Variants in RPS7 observed in about 807,000 individuals in gnomAD.
RPS7 encodes small ribosomal subunit protein eS7.
Under a neutral mutation model 22.1 loss-of-function variants are expected in RPS7, and 1 was observed. The ratio of observed to expected loss-of-function variants is 0.05; its 90% CI spans 0.02 to 0.21. RPS7 has a LOEUF of 0.21. Among genes scored for constraint, RPS7 ranks in the 10% least tolerant of loss-of-function variants. The pLI, the probability that RPS7 is intolerant of heterozygous loss-of-function variation, is 1.00. For synonymous variants in RPS7, 80 were observed against 92.0 expected, an observed-to-expected ratio of 0.87 and a Z score of 0.74; for missense variants, 137 against 246.4, an observed-to-expected ratio of 0.56 and a Z score of 2.97.
At chr2:3,575,765 G>T (rs947711975) in intron 2 of RPS7, 52 bp from the exon 3 acceptor site, 1 of 1,596,492 alleles carries the variant, frequency 6.3e-7, no homozygotes, top group Non-Finnish European at 8.6e-7. Flanking sequence ...TGTTGGGCCC[G>T]GGGTGCTCGG....
intron 3 of RPS7, 54 bp from the exon 4 acceptor site, chr2:3,576,433 C>T: frequency 2.0e-6 from 3 of 1,530,308 alleles, no homozygotes; most frequent in Non-Finnish European, 1.8e-6. Flanking sequence ...AATTTGACCA[C>T]AACGTTTACT....
chr2:3,579,842 T>C (rs1197835722), intron 5 of RPS7: 1 of 553,598 alleles, frequency 1.8e-6, no homozygotes, highest in South Asian at 2.1e-5. Context: ...TGGTCACTCA[T>C]TGCCTTGGTG....
chr2:3,579,924 C>T, intron 5 of RPS7, 186 bp from the exon 6 acceptor site: 2 of 645,382 alleles, frequency 3.1e-6, no homozygotes, highest in Non-Finnish European at 5.5e-6. Context: ...AGCTATTACC[C>T]TATTCTAGGT....
rs965348705 is a variant in RPS7, at chr2:3,580,526, T to C, written c.507+266T>C. ...AGTTAGGCTGTATATTCTTGGTGAG[T>C]TAGGGGTGGGTGGTGATGGGATCAG... On this transcript the variant is annotated intron_variant, in intron 6 of 6. Transcript: ENST00000645674. 9 of 628,624 alleles carry C rather than the reference T, an allele frequency of 1.4e-5. No individual in the cohort carries two copies. The Admixed American group carries it at 2.1e-4, about 14-fold the overall frequency. 38.9% of individuals were successfully genotyped at this position (628,624 alleles called of 1,614,324 possible). A position where few individuals can be genotyped will look rare whatever the true frequency, so the allele number is the denominator to read the frequency against.
intron 3 of RPS7, chr2:3,576,155 C>T: frequency 1.7e-6 from 1 of 596,318 alleles, no homozygotes; most frequent in Non-Finnish European, 3.0e-6. Context: ...ACCTTATTTG[C>T]CCTTACTTAG....
chr2:3,576,289 C>G, intron 3 of RPS7, 198 bp from the exon 4 acceptor site: 1 of 660,714 alleles, frequency 1.5e-6, no homozygotes, highest in Non-Finnish European at 2.7e-6. Context: ...AACAGTCTCC[C>G]TTCCTGGAAT....
intron 1 of RPS7, 102 bp downstream of exon 1, chr2:3,575,452 G>A (rs757538548): frequency 6.1e-6 from 4 of 653,222 alleles, no homozygotes; most frequent in Admixed American, 2.6e-5. Context: ...TCACAGGGTG[G>A]GGATACAGCC....
Position 3,577,691 on chromosome 2 carries a change from G to T in RPS7, c.292-19G>T, listed in dbSNP as rs1479782587. On this transcript the variant is annotated intron_variant, in intron 4 of 6. Coordinates refer to ENST00000645674, the MANE Select transcript of RPS7 (RefSeq NM_001011.4). Reference sequence around the variant, plus strand: ...AAAGTCTTTTTTCATTTTGTTACATGATAATTTTTACCTTACAGAGGAGAA... The same window carrying T: ...AAAGTCTTTTTTCATTTTGTTACATTATAATTTTTACCTTACAGAGGAGAA... 6.3e-7 allele frequency: 1 copy of T among 1,589,130 alleles called. No individual in the cohort carries two copies. Among genetic ancestry groups the T allele is most frequent in the South Asian group, 1.1e-5 (1 of 90,302 alleles).
intron 5 of RPS7, chr2:3,579,715 G>T: frequency 3.5e-6 from 1 of 284,040 alleles, no homozygotes; most frequent in South Asian, 3.9e-5. Context: ...ACATTGGAAG[G>T]GGGTGGTTTT....
intron 5 of RPS7, chr2:3,578,851 T>G (rs1661342241): frequency 6.6e-6 from 1 of 152,240 alleles, no homozygotes; most frequent in Non-Finnish European, 1.5e-5. Context: ...ACCTCTGTTT[T>G]CCAAATTTTC....
At chr2:3,580,452 CT>C (rs1661379065) in intron 6 of RPS7, 192 bp downstream of exon 6, 4 of 691,622 alleles carry the variant, frequency 5.8e-6, no homozygotes, top group Non-Finnish European at 1.1e-5. Context: ...GAATTGAACA[CT>C]TGAAATTCTC....
intron 3 of RPS7, 121 bp downstream of exon 3, chr2:3,576,009 C>T: frequency 2.6e-6 from 2 of 778,264 alleles, no homozygotes; most frequent in Non-Finnish European, 4.5e-6. Flanking sequence ...CTAACCTGAA[C>T]TCAGGTTCGG....
intron 2 of RPS7, 44 bp downstream of exon 2, chr2:3,575,728 G>C: frequency 6.3e-7 from 1 of 1,591,214 alleles, no homozygotes; most frequent in South Asian, 1.1e-5. Context: ...GAGGCGCCCC[G>C]CCCGGGAGGG....
chr2:3,580,009 C>T, intron 5 of RPS7, 101 bp from the exon 6 acceptor site: 2 of 1,080,430 alleles, frequency 1.9e-6, no homozygotes, highest in South Asian at 1.3e-5. Flanking sequence ...ACTTCAGGAA[C>T]CTGGGATTTG....
In RPS7 at chr2:3,577,716, A is replaced by T; in HGVS notation, c.298A>T (p.Ile100Phe). The T allele has an allele frequency of 6.2e-7, 1 of 1,611,450 alleles. No homozygotes were observed. ...GATAATTTTTACCTTACAGAGGAGA[A>T]TTCTGCCTAAGCCAACTCGAAAAAG... ...KHVVFIAQRR[I>F]LPKPTRKSRT... Residue 100 changes from isoleucine to phenylalanine, a missense_variant, in exon 5 of 7, where the codon ATT (isoleucine) becomes TTT (phenylalanine). Physicochemically the swap from Ile to Phe is conservative, Grantham distance 21. This residue lies in a region of RPS7 where 74 missense variants were observed against 171.4 expected (regional missense o/e 0.43). Coordinates refer to ENST00000645674, the MANE Select transcript of RPS7 (RefSeq NM_001011.4).
Position 3,580,184 on chromosome 2 carries a change from T to C in RPS7, c.431T>C (p.Ile144Thr). Residue 144 changes from isoleucine to threonine, a missense_variant, in exon 6 of 7, where the codon ATC (isoleucine) becomes ACC (threonine). Ile to Thr is a moderately conservative substitution (Grantham distance 89, BLOSUM62 -1). Coordinates refer to ENST00000645674, the MANE Select transcript of RPS7 (RefSeq NM_001011.4). ...CCAAGCGAAATTGTGGGCAAGAGAA[T>C]CCGCGTCAAACTAGATGGCAGCCGG... ...VFPSEIVGKR[I>T]RVKLDGSRLI... 1 of 1,613,338 alleles carries C rather than the reference T, an allele frequency of 6.2e-7. No homozygotes were observed. Among genetic ancestry groups the C allele is most frequent in the Non-Finnish European group, 8.5e-7 (1 of 1,179,696 alleles).
chr2:3,578,981 C>T (rs924674859), intron 5 of RPS7: 1 of 152,198 alleles, frequency 6.6e-6, no homozygotes, highest in Non-Finnish European at 1.5e-5. Flanking sequence ...TTCCTGCTTT[C>T]AGATTTATTT....
In RPS7 at chr2:3,576,013, G is replaced by C. The variant is rs1340200550; in HGVS notation, c.147+125G>C. ...CGCCTGGCCGCCTAACCTGAACTCAGGTTCGGCCGTGTTGTTTGGGAGTGA... is the reference window on the plus strand; with the variant it reads ...CGCCTGGCCGCCTAACCTGAACTCACGTTCGGCCGTGTTGTTTGGGAGTGA... On this transcript the variant is annotated intron_variant, in intron 3 of 6. Transcript: ENST00000645674. 3.9e-6 allele frequency: 3 copies of C among 768,992 alleles called. No homozygotes were observed. In the Admixed American group the frequency reaches 6.1e-5, roughly 16 times the overall value. The allele number at this position is 768,992 out of a possible 1,614,324, so 47.6% of individuals were successfully genotyped here. A position where few individuals can be genotyped will look rare whatever the true frequency, so the allele number is the denominator to read the frequency against.
intron 3 of RPS7, chr2:3,576,216 C>T (rs1572358251): frequency 1.3e-5 from 8 of 595,316 alleles, no homozygotes; most frequent in Middle Eastern, 4.5e-4. Flanking sequence ...ATTCTCTCTA[C>T]CCTTAGCCCG....
Sources: gnomAD v4.1 joint callset for allele counts on GRCh38, gnomAD v4.1.1 for gene constraint, gnomAD v4.1.1 regional missense constraint, MANE v1.5 for transcripts, NCBI Gene and HGNC (gene_info 2026-07-23, HGNC 2026-07-21) for gene names.